The following COL9A1 variants were observed in gnomAD, a reference collection of about 807,000 sequenced individuals.
COL9A1 encodes the protein collagen alpha-1(IX) chain.
A neutral mutation model predicts 142.6 loss-of-function variants in COL9A1; 104 were observed. That is an observed-to-expected ratio of 0.73 (90% CI 0.62 to 0.86). COL9A1 has a LOEUF of 0.86. Ranked by LOEUF, COL9A1 falls within the 40% of genes least tolerant of loss-of-function variation. The probability of loss-of-function intolerance (pLI) is 0.00; values close to 1 mark genes in which losing one functional copy is unlikely to be tolerated. For missense variants in COL9A1, 1,210 were observed against 1,176.6 expected (o/e 1.03, Z -0.42); for synonymous variants, 466 against 396.0 (o/e 1.18, Z -2.10).
chr6:70,292,466 A>G (rs1189620141), intron 5 of COL9A1, among the ~76,000 whole-genome samples: 3 of 152,156 alleles, frequency 2.0e-5, no homozygotes, highest in East Asian at 1.9e-4. Flanking sequence ...ATAGAAAGTA[A>G]TTGGTACTAA....
At position 70,232,711 on chromosome 6, in the gene COL9A1, G is replaced by A; in HGVS notation, c.2375C>T (p.Pro792Leu). Residue 792 changes from proline to leucine, a missense_variant, in exon 36 of 38, where the codon CCT becomes CTT. Pro to Leu is a moderately conservative substitution (Grantham distance 98, BLOSUM62 -3). Coordinates refer to ENST00000357250, the MANE Select transcript of COL9A1 (RefSeq NM_001851.6). ...KRPDSGATGL[P>L]GRPGPPGPPG... is the part of the protein sequence containing the mutation. ...GGGACCAGGAGGGCCAGGCCTTCCA[G>A]GAAGCCCAGTGGCACCTGAGTCTGG... 1 of 1,613,972 alleles carries A rather than the reference G, an allele frequency of 6.2e-7. No homozygotes were observed. The highest frequency in any genetic ancestry group is 8.5e-7 in the Non-Finnish European group (1 of 1,180,008).
At chr6:70,283,051 A>T in intron 6 of COL9A1, 133 bp from the exon 7 acceptor site, 2 of 1,566,274 alleles carry the variant, frequency 1.3e-6, no homozygotes, top group East Asian at 2.3e-5. Context: ...AGTCCAGGCC[A>T]TGCCCGCCGC....
At position 70,294,467 on chromosome 6, in the gene COL9A1, C is replaced by T. The variant is rs775118381; in HGVS notation, c.396G>A (p.Gln132=). The T allele has an allele frequency of 1.9e-6, 3 of 1,614,126 alleles. No individual in the cohort carries two copies. Among genetic ancestry groups the T allele is most frequent in the South Asian group, 2.2e-5 (2 of 91,086 alleles). The change falls in exon 5 of 38, where the codon CAG becomes CAA. Residue 132 remains glutamine, a synonymous_variant. Coordinates refer to ENST00000357250, the MANE Select transcript of COL9A1 (RefSeq NM_001851.6). ...GCTCCTTCCCAGAGGAATCCTGAAT[C>T]TGCCAAATGTTCCAGTTCTTTTTGA... ...STLKKNWNIW[Q]IQDSSGKEQV... is the part of the protein sequence containing the mutation.
chr6:70,283,855 T>A, intron 5 of COL9A1, 35 bp from the exon 6 acceptor site: 1 of 1,467,220 alleles, frequency 6.8e-7, no homozygotes, highest in Non-Finnish European at 9.4e-7. Context: ...GGTAAGGTTT[T>A]TTGGACGACT....
At chr6:70,300,440 A>T (rs1774021231) in intron 2 of COL9A1, 54 bp from the exon 3 acceptor site, 1 of 736,958 alleles carries the variant, frequency 1.4e-6, no homozygotes, top group Non-Finnish European at 2.1e-6. Flanking sequence ...TTAAAGTATA[A>T]TAATAATAAA....
intron 21 of COL9A1, among the ~76,000 whole-genome samples, chr6:70,256,144 C>G (rs1271661877): frequency 1.3e-5 from 2 of 152,184 alleles, no homozygotes; most frequent in Non-Finnish European, 2.9e-5. Context: ...AAACCAACCT[C>G]CCCCTCAGGT....
chr6:70,276,925 C>T (rs57480056), intron 10 of COL9A1, among the ~76,000 whole-genome samples: 4 of 152,206 alleles, frequency 2.6e-5, no homozygotes, highest in African/African-American at 9.6e-5. Context: ...CAAACCAAAT[C>T]TAGGTATTAA....
At chr6:70,244,280 T>A (rs912745552) in intron 28 of COL9A1, among the ~76,000 whole-genome samples, 8 of 152,250 alleles carry the variant, frequency 5.3e-5, no homozygotes, top group Non-Finnish European at 1.0e-4. Flanking sequence ...CTTAACCTCA[T>A]GAGCAGTTTG....
intron 19 of COL9A1, among the ~76,000 whole-genome samples, chr6:70,261,375 TG>T (rs979650036): frequency 7.4e-6 from 1 of 135,006 alleles, no homozygotes; most frequent in African/African-American, 2.9e-5. Context: ...CTGGACTCTC[TG>T]GCCCCCATAC....
chr6:70,263,349 C>A (rs769665721), intron 18 of COL9A1, 52 bp from the exon 19 acceptor site: 7 of 1,517,210 alleles, frequency 4.6e-6, no homozygotes, highest in South Asian at 2.4e-5. Context: ...TTCTAGCAAA[C>A]GAACATAGAA....
chr6:70,294,119 C>A (rs917691762), intron 5 of COL9A1, 48 bp downstream of exon 5: 8 of 1,608,068 alleles, frequency 5.0e-6, no homozygotes, highest in Non-Finnish European at 6.8e-6. Context: ...TCATTTTTAC[C>A]AATCTAGTTT....
At chr6:70,242,555 G>T (rs111773701) in intron 29 of COL9A1, 107 bp downstream of exon 29, 49 of 985,710 alleles carry the variant, frequency 5.0e-5, no homozygotes, top group African/African-American at 3.4e-4. Flanking sequence ...CATAACAAGA[G>T]AAATCAAGTA....
intron 5 of COL9A1, among the ~76,000 whole-genome samples, chr6:70,284,495 G>A (rs1773364913): frequency 6.6e-6 from 1 of 152,184 alleles, no homozygotes; most frequent in African/African-American, 2.4e-5. Context: ...TGGTTGAAAA[G>A]ATGTAACTTT....
intron 19 of COL9A1, among the ~76,000 whole-genome samples, chr6:70,261,387 T>A (rs2025995): frequency 0.15 from 22,822 of 152,004 alleles, 1,934 homozygotes; most frequent in Non-Finnish European, 0.2. Context: ...GCCCCCATAC[T>A]AGGAGGGATC....
At chr6:70,261,448 G>A (rs1771683080) in intron 19 of COL9A1, among the ~76,000 whole-genome samples, 1 of 152,210 alleles carries the variant, frequency 6.6e-6, no homozygotes, top group Non-Finnish European at 1.5e-5. Flanking sequence ...TGGAAGCAGA[G>A]GAGGGTGGAT....
chr6:70,274,587 T>C, intron 11 of COL9A1, 132 bp downstream of exon 11: 1 of 764,214 alleles, frequency 1.3e-6, no homozygotes, highest in South Asian at 1.5e-5. Context: ...ATGGTGTTTT[T>C]AAACACAATT....
rs1252306405 is a variant in COL9A1 at position 70,294,231 on chromosome 6, G to T, written c.632C>A (p.Pro211Gln). The change falls in exon 5 of 38, where the codon CCA becomes CAA. Residue 211 changes from proline to glutamine, a missense_variant. Coordinates refer to ENST00000357250, the MANE Select transcript of COL9A1 (RefSeq NM_001851.6). ...IESLPIKPRG[P>Q]IDIDGFAVLG... ...CACAGCAAAGCCATCAATGTCAATTGGGCCTCTTGGCTTTATAGGTAAAGA... is the reference window on the plus strand; with the variant it reads ...CACAGCAAAGCCATCAATGTCAATTTGGCCTCTTGGCTTTATAGGTAAAGA... 2 of 1,614,024 alleles carry T rather than the reference G, an allele frequency of 1.2e-6. No individual in the cohort carries two copies. Among genetic ancestry groups the T allele is most frequent in the African/African-American group, 1.3e-5 (1 of 75,000 alleles).
At chr6:70,227,553 A>G (rs1048939275) in intron 36 of COL9A1, among the ~76,000 whole-genome samples, 1 of 152,074 alleles carries the variant, frequency 6.6e-6, no homozygotes. Flanking sequence ...TGATAAGAGT[A>G]TAAATTTGTA....
intron 18 of COL9A1, among the ~76,000 whole-genome samples, chr6:70,265,765 A>T (rs994100909): frequency 2.6e-5 from 4 of 152,284 alleles, no homozygotes; most frequent in South Asian, 2.1e-4. Flanking sequence ...ATAAATGTCC[A>T]AACTGTAATA....
Sources: allele counts gnomAD v4.1 joint callset (sites outside exome capture counted in the v4.1 genomes callset), GRCh38; gene constraint gnomAD v4.1.1; transcripts MANE v1.5; gene names NCBI Gene and HGNC (gene_info 2026-07-23, HGNC 2026-07-21).